Variants in SEMA3A observed in about 807,000 individuals in gnomAD.
SEMA3A encodes the protein semaphorin-3A.
In SEMA3A, 29 loss-of-function variants were observed where a neutral mutation model predicts 97.9. That is an observed-to-expected ratio of 0.30 (90% confidence interval 0.22 to 0.40). SEMA3A has a LOEUF of 0.40. Among genes scored for constraint, SEMA3A ranks in the 10% least tolerant of loss-of-function variants. The pLI, the probability that SEMA3A is intolerant of heterozygous loss-of-function variation, is 1.00. For synonymous variants in SEMA3A, 321 were observed against 323.7 expected (o/e 0.99, Z 0.09); for missense variants, 763 against 951.3 (o/e 0.80, Z 2.60).
In SEMA3A at chr7:84,359,044, A is replaced by G. The variant is rs371771135; in HGVS notation, c.-169+12780T>C. ...CAGCTTAAGGAGATTTTGGGCTGAG[A>G]CGATGGGGTTTTCTACATATACAAC... On this transcript the variant is annotated intron_variant, in intron 2 of 3. Coordinates refer to the SEMA3A transcript ENST00000424555. 2.5e-4 allele frequency among the ~76,000 whole-genome samples: 38 copies of G among 152,298 alleles called. 2 individuals are homozygous for G. Among genetic ancestry groups the G allele is most frequent in the East Asian group, 1.4e-3 (7 of 5,168 alleles).
chr7:84,037,941 T>C (rs1018438629), intron 6 of SEMA3A, among the ~76,000 whole-genome samples: 1 of 152,232 alleles, frequency 6.6e-6, no homozygotes, highest in African/African-American at 2.4e-5. Flanking sequence ...TGAAAATGTT[T>C]ATTTTAAGGG....
At chr7:84,253,676 A>T (rs1189296746) in intron 3 of SEMA3A, among the ~76,000 whole-genome samples, 1 of 152,134 alleles carries the variant, frequency 6.6e-6, no homozygotes, top group African/African-American at 2.4e-5. Flanking sequence ...AAGTTAAATT[A>T]TATCTTGGAA....
At chr7:84,077,952 T>G (rs2115783255) in intron 4 of SEMA3A, among the ~76,000 whole-genome samples, 2 of 152,128 alleles carry the variant, frequency 1.3e-5, no homozygotes, top group Admixed American at 1.3e-4. Flanking sequence ...ATGTAATTGA[T>G]TATGAGATAG....
intron 1 of SEMA3A, among the ~76,000 whole-genome samples, chr7:84,135,702 T>G (rs1796104504): frequency 6.6e-6 from 1 of 152,172 alleles, no homozygotes; most frequent in Non-Finnish European, 1.5e-5. Context: ...CCTCTTAGGT[T>G]CCTTGAGGCC....
chr7:84,181,427 A>G (rs1797735156), intron 1 of SEMA3A, among the ~76,000 whole-genome samples: 2 of 151,782 alleles, frequency 1.3e-5, no homozygotes, highest in African/African-American at 4.8e-5. Context: ...TTTTTAAAAG[A>G]TAAAAGTTAG....
intron 3 of SEMA3A, among the ~76,000 whole-genome samples, chr7:84,264,081 C>T (rs1233959931): frequency 1.3e-5 from 2 of 152,094 alleles, no homozygotes; most frequent in East Asian, 3.8e-4. Flanking sequence ...CCCTCCACTA[C>T]TGTTTACGAT....
chr7:84,042,680 T>A (rs1474316091), intron 6 of SEMA3A, among the ~76,000 whole-genome samples: 1 of 152,126 alleles, frequency 6.6e-6, no homozygotes, highest in Non-Finnish European at 1.5e-5. Context: ...GTTCATTTTA[T>A]TAATGTAAGG....
At chr7:84,212,372 C>G (rs1276598681) in intron 3 of SEMA3A, among the ~76,000 whole-genome samples, 1 of 152,174 alleles carries the variant, frequency 6.6e-6, no homozygotes, top group Non-Finnish European at 1.5e-5. Context: ...AATTAATTCT[C>G]TTTTCTTTTA....
intron 5 of SEMA3A, among the ~76,000 whole-genome samples, chr7:84,052,899 T>A (rs1562734038): frequency 6.6e-6 from 1 of 151,960 alleles, no homozygotes; most frequent in Non-Finnish European, 1.5e-5. Flanking sequence ...TCCCAGAGAT[T>A]CTGGTATGTT....
chr7:83,993,459 T>G (rs59299941), intron 12 of SEMA3A, among the ~76,000 whole-genome samples: 4,802 of 149,228 alleles, frequency 0.032, 244 homozygotes, highest in African/African-American at 0.11. Context: ...GGTACCGGTT[T>G]TTCCTTTCCA....
At chr7:83,979,134 T>A (rs1789287539) in intron 14 of SEMA3A, among the ~76,000 whole-genome samples, 1 of 138,238 alleles carries the variant, frequency 7.2e-6, no homozygotes, top group Admixed American at 7.3e-5. Flanking sequence ...CGAATTCCAC[T>A]TTTTTTTTTT....
At chr7:84,421,309 G>C (rs1804585159) in intron 1 of SEMA3A, among the ~76,000 whole-genome samples, 1 of 151,916 alleles carries the variant, frequency 6.6e-6, no homozygotes, top group Admixed American at 6.6e-5. Context: ...GAGAAATTAA[G>C]ACATCTCCAC....
intron 1 of SEMA3A, among the ~76,000 whole-genome samples, chr7:84,178,805 G>T (rs1029018487): frequency 6.6e-6 from 1 of 151,996 alleles, no homozygotes; most frequent in Admixed American, 6.6e-5. Context: ...TATTCAATTA[G>T]TCCCTGAACT....
chr7:84,209,852 T>C (rs1470809318), intron 3 of SEMA3A, among the ~76,000 whole-genome samples: 1 of 152,192 alleles, frequency 6.6e-6, no homozygotes, highest in Admixed American at 6.5e-5. Flanking sequence ...CAACCTGGGA[T>C]AAAGTCATTT....
At chr7:83,994,840 C>A (rs191726396) in intron 12 of SEMA3A, among the ~76,000 whole-genome samples, 3,000 of 152,094 alleles carry the variant, frequency 0.02, 91 homozygotes, top group African/African-American at 0.068. Context: ...GTGGTGGGCT[C>A]CACCCAGTTG....
chr7:84,311,908 T>C (rs1801331357), intron 2 of SEMA3A, among the ~76,000 whole-genome samples: 1 of 151,844 alleles, frequency 6.6e-6, no homozygotes, highest in Admixed American at 6.6e-5. Flanking sequence ...CTTTCCAATT[T>C]TGCAAATATG....
intron 1 of SEMA3A, among the ~76,000 whole-genome samples, chr7:84,159,772 T>C (rs1231257260): frequency 6.6e-6 from 1 of 152,192 alleles, no homozygotes; most frequent in East Asian, 1.9e-4. Flanking sequence ...ATGCTTCTTA[T>C]AATTTGAGGA....
At chr7:84,182,888 G>A (rs1471536423) in intron 1 of SEMA3A, among the ~76,000 whole-genome samples, 1 of 152,142 alleles carries the variant, frequency 6.6e-6, no homozygotes, top group Admixed American at 6.5e-5. Context: ...AGACATTCAT[G>A]CTATTACGCT....
chr7:84,347,923 C>T lies in SEMA3A; in HGVS notation c.-169+23901G>A, dbSNP rs1418632837. ...ATGTTTCAGGACATGATTGTATTGG[C>T]GCATAGATGATCATCTAAACCCATC... is the stretch of plus-strand genomic sequence containing the variant. On this transcript the variant is annotated intron_variant, in intron 2 of 3. Coordinates refer to the SEMA3A transcript ENST00000424555. 3.9e-5 allele frequency among the ~76,000 whole-genome samples: 6 copies of T among 152,068 alleles called. No individual in the cohort carries two copies. The South Asian group carries it at 6.2e-4, about 16-fold the overall frequency.
Sources: allele counts gnomAD v4.1 joint callset (sites outside exome capture counted in the v4.1 genomes callset), GRCh38; gene constraint gnomAD v4.1.1; transcripts MANE v1.5; gene names NCBI Gene and HGNC (gene_info 2026-07-23, HGNC 2026-07-21).